CDC42BPA: variants seen among roughly 807,000 people sequenced by gnomAD.
CDC42BPA encodes serine/threonine-protein kinase MRCK alpha.
A neutral mutation model predicts 223.5 loss-of-function variants in CDC42BPA; 80 were observed. That is an observed-to-expected ratio of 0.36 (90% confidence interval 0.30 to 0.43). The LOEUF (loss-of-function observed/expected upper bound fraction) is 0.43. Ranked by LOEUF, CDC42BPA falls within the 20% of genes least tolerant of loss-of-function variation. The pLI is 1.00. For missense variants in CDC42BPA, 1,743 were observed against 2,099.9 expected (o/e 0.83, Z 3.32); for synonymous variants, 694 against 718.6 (o/e 0.97, Z 0.55).
At chr1:227,046,157 T>C (rs1217830950) in intron 23 of CDC42BPA, among the ~76,000 whole-genome samples, 1 of 152,146 alleles carries the variant, frequency 6.6e-6, no homozygotes, top group Non-Finnish European at 1.5e-5. Context: ...CTGTTGGGAA[T>C]CTTAACATTT....
At chr1:227,133,751 G>A (rs1657870290) in intron 10 of CDC42BPA, among the ~76,000 whole-genome samples, 1 of 151,972 alleles carries the variant, frequency 6.6e-6, no homozygotes, top group Admixed American at 6.6e-5. Context: ...TTGTTAAACA[G>A]ATGCTTGAAG....
chr1:227,134,525 C>A (rs117287436), intron 10 of CDC42BPA, among the ~76,000 whole-genome samples: 1 of 152,116 alleles, frequency 6.6e-6, no homozygotes, highest in Non-Finnish European at 1.5e-5. Context: ...AGTGGATGAC[C>A]CTACTTTGTA....
At chr1:227,010,842 T>C in intron 34 of CDC42BPA, 1 of 1,246,836 alleles carries the variant, frequency 8.0e-7, no homozygotes, top group Non-Finnish European at 1.1e-6. Context: ...CCATACATGG[T>C]TAGTGAAAGT....
intron 2 of CDC42BPA, among the ~76,000 whole-genome samples, chr1:227,222,539 A>C (rs1485181019): frequency 1.3e-5 from 2 of 152,134 alleles, no homozygotes. Context: ...ATCAGATTTT[A>C]CCTGTTTCAT....
rs188018544 is a variant in CDC42BPA at position 227,161,795 on chromosome 1, A to G, written c.600-1159T>C. Among the ~76,000 whole-genome samples, 60 of 152,352 alleles carry G rather than the reference A, an allele frequency of 3.9e-4. No homozygotes were observed. In the Middle Eastern group the frequency reaches 0.014, roughly 35 times the overall value. On this transcript the variant is annotated intron_variant, in intron 5 of 36. Coordinates refer to ENST00000366766, the MANE Select transcript of CDC42BPA (RefSeq NM_001394014.1). ...GACCACATGGCCTACAAAGCCTAACATATTTACTCTCAGGCTGTTTATAGA... is the reference window on the plus strand; with the variant it reads ...GACCACATGGCCTACAAAGCCTAACGTATTTACTCTCAGGCTGTTTATAGA...
At chr1:227,201,902 C>T (rs574286632) in intron 3 of CDC42BPA, among the ~76,000 whole-genome samples, 2 of 152,102 alleles carry the variant, frequency 1.3e-5, no homozygotes, top group South Asian at 4.2e-4. Context: ...ACACAGTATG[C>T]TATATATAAT....
At chr1:227,276,335 G>A (rs149566637) in intron 1 of CDC42BPA, among the ~76,000 whole-genome samples, 4,489 of 151,124 alleles carry the variant, frequency 0.03, 193 homozygotes, top group African/African-American at 0.1. Context: ...GAGGTGAGGA[G>A]CGTCTCTGCC....
intron 16 of CDC42BPA, among the ~76,000 whole-genome samples, chr1:227,090,428 G>T (rs76693531): frequency 0.026 from 4,006 of 152,016 alleles, 195 homozygotes; most frequent in African/African-American, 0.092. Flanking sequence ...TTTATTGGAG[G>T]AAAATACTAG....
At chr1:227,103,108 G>A (rs946299274) in intron 14 of CDC42BPA, among the ~76,000 whole-genome samples, 5 of 151,930 alleles carry the variant, frequency 3.3e-5, no homozygotes, top group Non-Finnish European at 7.4e-5. Flanking sequence ...ACTCTTATGC[G>A]ACATTCATTT....
intron 21 of CDC42BPA, chr1:227,059,479 T>C (rs1358675142): frequency 1.5e-6 from 2 of 1,339,626 alleles, no homozygotes. Context: ...CAAGGACTAC[T>C]ATTGTATTAA....
chr1:227,150,229 AAAAAAAAAC>A (rs1661480813), intron 6 of CDC42BPA, among the ~76,000 whole-genome samples: 1 of 151,500 alleles, frequency 6.6e-6, no homozygotes, highest in African/African-American at 2.4e-5. Context: ...TGTCTCAAAA[AAAAAAAAAC>A]AAAAAAAACA....
chr1:227,298,134 A>G (rs2148710010), intron 1 of CDC42BPA, among the ~76,000 whole-genome samples: 1 of 151,734 alleles, frequency 6.6e-6, no homozygotes, highest in Middle Eastern at 3.4e-3. Context: ...TCAGTGTAGT[A>G]GGTAAAAATT....
chr1:227,282,629 G>T (rs1331415847), intron 1 of CDC42BPA, among the ~76,000 whole-genome samples: 1 of 152,168 alleles, frequency 6.6e-6, no homozygotes, highest in Non-Finnish European at 1.5e-5. Context: ...AATACTGTTT[G>T]CTTAGGAGCA....
rs1684997298 is a variant in CDC42BPA, at chr1:227,101,215, C to T, written c.2026G>A (p.Gly676Arg). ...TGCTGATGTTCTATGCTGCATACTC[C>T]TGGTGAGTAACTAATTTGTTTTTGC... ...LKQKQISYSP[G>R]VCSIEHQQEI... The change falls in exon 15 of 37, where the codon GGA (glycine) becomes AGA (arginine). Residue 676 changes from glycine (G) to arginine (R), a missense_variant. Around this residue, in one of 6 missense-constraint regions of CDC42BPA, gnomAD observed 464 missense variants for 488.0 expected, o/e 0.95. Transcript: ENST00000366766. The T allele has an allele frequency of 1.3e-6, 2 of 1,560,788 alleles. No individual in the cohort carries two copies. Among genetic ancestry groups the T allele is most frequent in the African/African-American group, 2.7e-5 (2 of 72,764 alleles).
At chr1:227,089,557 A>G (rs746003752) in intron 16 of CDC42BPA, among the ~76,000 whole-genome samples, 33 of 151,578 alleles carry the variant, frequency 2.2e-4, no homozygotes, top group African/African-American at 6.8e-4. Context: ...TTTACCTACC[A>G]TATGAATTTG....
intron 21 of CDC42BPA, among the ~76,000 whole-genome samples, chr1:227,060,869 G>A (rs1418702319): frequency 4.0e-5 from 6 of 151,532 alleles, no homozygotes; most frequent in Non-Finnish European, 2.9e-5. Context: ...TTACAAGTGC[G>A]CGCCACCATG....
intron 17 of CDC42BPA, among the ~76,000 whole-genome samples, chr1:227,075,687 T>C (rs1679323327): frequency 6.6e-6 from 1 of 152,220 alleles, no homozygotes; most frequent in Non-Finnish European, 1.5e-5. Context: ...ACCTGATCTA[T>C]AGTGTAGAGA....
chr1:227,025,717 T>C (rs540786595), intron 31 of CDC42BPA, among the ~76,000 whole-genome samples: 1 of 152,290 alleles, frequency 6.6e-6, no homozygotes, highest in East Asian at 1.9e-4. Context: ...ATGACAGTTA[T>C]AATTCATAAT....
chr1:227,164,704 GCACACACAAA>G (rs1192600096), intron 5 of CDC42BPA, among the ~76,000 whole-genome samples: 1 of 150,192 alleles, frequency 6.7e-6, no homozygotes, highest in African/African-American at 2.4e-5. Context: ...ACACGTGCAC[GCACACACAAA>G]CGCACACACA....
Sources: gnomAD v4.1 joint callset for allele counts (sites outside exome capture counted in the v4.1 genomes callset) on GRCh38, gnomAD v4.1.1 for gene constraint, gnomAD v4.1.1 regional missense constraint, MANE v1.5 for transcripts, NCBI Gene and HGNC (gene_info 2026-07-23, HGNC 2026-07-21) for gene names.